SH3D19: variants seen among roughly 807,000 people sequenced by gnomAD.
SH3D19 encodes SH3 domain containing 19.
Under a neutral mutation model 112.1 loss-of-function variants are expected in SH3D19, and 58 were observed. The ratio of observed to expected loss-of-function variants is 0.52; its 90% CI spans 0.42 to 0.64. The LOEUF is 0.64. Among genes scored for constraint, SH3D19 ranks in the 30% least tolerant of loss-of-function variants. SH3D19 has a pLI of 0.00. For synonymous variants in SH3D19, 391 were observed against 448.5 expected (o/e 0.87, Z 1.62); for missense variants, 1,090 against 1,263.4 (o/e 0.86, Z 2.08).
chr4:151,177,105 G>C, intron 4 of SH3D19, 150 bp from the exon 5 acceptor site: 2 of 540,692 alleles, frequency 3.7e-6, no homozygotes, highest in Non-Finnish European at 5.6e-6. Flanking sequence ...GGCCTGGGCT[G>C]TCTCTGACAG....
Position 151,175,401 on chromosome 4 carries a change from A to G in SH3D19, c.803T>C (p.Leu268Pro), listed in dbSNP as rs1486910807. Residue 268 changes from leucine (L) to proline (P), a missense_variant, in exon 7 of 20, where the codon CTG becomes CCG. Physicochemically the swap from Leu to Pro is moderately conservative, Grantham distance 98. Transcript: ENST00000604030. ...EESSPGRPQS[L>P]LDNASTSDSQ... The stretch of plus-strand genomic sequence containing the variant: ...GTCTGAGGTGCTAGCGTTGTCCAGC[A>G]GAGACTGGGGCCGGCCTGGGGATGA... 7 of 1,560,904 alleles carry G rather than the reference A, an allele frequency of 4.5e-6. No individual in the cohort carries two copies. Among genetic ancestry groups the G allele is most frequent in the Non-Finnish European group, 6.1e-6 (7 of 1,155,154 alleles).
At chr4:151,219,893 A>G (rs2149932228) in intron 2 of SH3D19, among the ~76,000 whole-genome samples, 1 of 152,304 alleles carries the variant, frequency 6.6e-6, no homozygotes, top group African/African-American at 2.4e-5. Context: ...AGATATTCTT[A>G]TATATTTCTT....
intron 12 of SH3D19, among the ~76,000 whole-genome samples, chr4:151,143,601 T>G (rs1753401902): frequency 6.6e-6 from 1 of 152,004 alleles, no homozygotes; most frequent in Admixed American, 6.6e-5. Context: ...ATCACTATTA[T>G]TTTTCATATT....
At chr4:151,267,501 C>T (rs1179674316) in intron 1 of SH3D19, among the ~76,000 whole-genome samples, 2 of 152,214 alleles carry the variant, frequency 1.3e-5, no homozygotes, top group Admixed American at 1.3e-4. Flanking sequence ...CTTGAGTGAA[C>T]ATAGCTTTTA....
chr4:151,149,667 G>A, intron 9 of SH3D19, 106 bp from the exon 10 acceptor site: 1 of 929,432 alleles, frequency 1.1e-6, no homozygotes, highest in Non-Finnish European at 1.7e-6. Context: ...TAGAAATGCA[G>A]TTGAATTATA....
In SH3D19 at chr4:151,164,390, C is replaced by T. The variant is rs79286077; in HGVS notation, c.1642+1199G>A. 3.1e-3 allele frequency among the ~76,000 whole-genome samples: 478 copies of T among 152,258 alleles called. 4 individuals carry two copies. Among genetic ancestry groups the T allele is most frequent in the African/African-American group, 0.011 (446 of 41,536 alleles). ...ACACATACACAAACACCCTTTTAATCACAGTTTTTAATAATCTGGTGCCTA... is the reference window on the plus strand; with the variant it reads ...ACACATACACAAACACCCTTTTAATTACAGTTTTTAATAATCTGGTGCCTA... On this transcript the variant is annotated intron_variant, in intron 8 of 19. Transcript: ENST00000604030.
chr4:151,238,415 A>G (rs927983108), intron 1 of SH3D19, among the ~76,000 whole-genome samples: 3 of 152,202 alleles, frequency 2.0e-5, no homozygotes, highest in Admixed American at 2.0e-4. Flanking sequence ...ATTGGTTTTC[A>G]GCTGTTAAGG....
At chr4:151,126,886 A>C (rs1428978739) in intron 19 of SH3D19, among the ~76,000 whole-genome samples, 2 of 151,692 alleles carry the variant, frequency 1.3e-5, no homozygotes, top group Admixed American at 6.6e-5. Flanking sequence ...AAAAAAAAAA[A>C]AAAACCTTTG....
intron 1 of SH3D19, among the ~76,000 whole-genome samples, chr4:151,240,864 T>C (rs57601323): frequency 0.049 from 7,423 of 152,038 alleles, 274 homozygotes; most frequent in Middle Eastern, 0.12. Context: ...TTATTTGTAA[T>C]AGCCAAAAAG....
At chr4:151,297,086 T>C (rs1008216649) in intron 1 of SH3D19, among the ~76,000 whole-genome samples, 2 of 152,224 alleles carry the variant, frequency 1.3e-5, no homozygotes, top group African/African-American at 4.8e-5. Context: ...TTTTAAAATA[T>C]ATTGCTTCAG....
At chr4:151,278,286 A>G (rs1404796182) in intron 1 of SH3D19, among the ~76,000 whole-genome samples, 2 of 151,710 alleles carry the variant, frequency 1.3e-5, no homozygotes, top group Non-Finnish European at 2.9e-5. Context: ...TTTTTTTTTA[A>G]GAGACAGAGT....
intron 1 of SH3D19, among the ~76,000 whole-genome samples, chr4:151,268,939 C>A (rs1267111277): frequency 1.3e-5 from 2 of 152,128 alleles, no homozygotes; most frequent in Admixed American, 1.3e-4. Flanking sequence ...GGTTTATAGT[C>A]CTTTGGGTAT....
intron 6 of SH3D19, 114 bp from the exon 7 acceptor site, chr4:151,175,788 G>C (rs528020045): frequency 4.8e-6 from 5 of 1,044,344 alleles, no homozygotes; most frequent in Non-Finnish European, 6.1e-6. Context: ...GGAATATCAA[G>C]AGATTTTGGT....
intron 1 of SH3D19, among the ~76,000 whole-genome samples, chr4:151,314,426 G>C (rs915319948): frequency 1.3e-5 from 2 of 152,172 alleles, no homozygotes; most frequent in Non-Finnish European, 2.9e-5. Context: ...TAATGAGCCT[G>C]CAGAGTAGTT....
intron 1 of SH3D19, among the ~76,000 whole-genome samples, chr4:151,301,297 G>A (rs962412176): frequency 3.3e-5 from 5 of 152,260 alleles, no homozygotes; most frequent in African/African-American, 9.6e-5. Context: ...GCGCAATCTC[G>A]GCTCACCACA....
At chr4:151,147,433 A>G (rs1405369605) in intron 11 of SH3D19, among the ~76,000 whole-genome samples, 1 of 152,068 alleles carries the variant, frequency 6.6e-6, no homozygotes, top group African/African-American at 2.4e-5. Flanking sequence ...CATTTCTCCT[A>G]ATAATGAAAC....
chr4:151,250,631 T>A (rs770014751), intron 1 of SH3D19, among the ~76,000 whole-genome samples: 8 of 152,156 alleles, frequency 5.3e-5, no homozygotes, highest in Non-Finnish European at 1.2e-4. Context: ...GTGTTGAAAT[T>A]TTTTTAGTAA....
chr4:151,292,996 T>C (rs1204424728), intron 1 of SH3D19, among the ~76,000 whole-genome samples: 1 of 152,010 alleles, frequency 6.6e-6, no homozygotes, highest in Non-Finnish European at 1.5e-5. Flanking sequence ...GGCGGGTGCC[T>C]GTAATCCCAG....
intron 1 of SH3D19, chr4:151,227,720 C>T: frequency 1.0e-6 from 1 of 983,676 alleles, no homozygotes; most frequent in South Asian, 4.7e-5. Context: ...AAACTGAATA[C>T]AGATTAGCTA....
Sources: gnomAD v4.1 joint callset for allele counts (sites outside exome capture counted in the v4.1 genomes callset) on GRCh38, gnomAD v4.1.1 for gene constraint, MANE v1.5 for transcripts, NCBI Gene and HGNC (gene_info 2026-07-23, HGNC 2026-07-21) for gene names.